Variants in VSTM2A observed in about 807,000 individuals in gnomAD.
VSTM2A encodes V-set and transmembrane domain-containing protein 2A.
A neutral mutation model predicts 27.3 loss-of-function variants in VSTM2A; 13 were observed. The ratio of observed to expected loss-of-function variants is 0.48; its 90% CI spans 0.31 to 0.76. The LOEUF (loss-of-function observed/expected upper bound fraction) is 0.76. Among genes scored for constraint, VSTM2A ranks in the 30% least tolerant of loss-of-function variants. VSTM2A has a pLI of 0.05. For missense variants in VSTM2A, 280 were observed against 310.0 expected (o/e 0.90, Z 0.73); for synonymous variants, 142 against 125.7 (o/e 1.13, Z -0.87).
intron 4 of VSTM2A, chr7:54,554,087 G>T: frequency 1.3e-6 from 2 of 1,551,038 alleles, no homozygotes; most frequent in South Asian, 2.4e-5. Context: ...AATTGCCCAG[G>T]TCGCTCGCAC....
intron 4 of VSTM2A, 134 bp from the exon 5 acceptor site, chr7:54,568,997 C>T: frequency 6.3e-7 from 1 of 1,586,404 alleles, no homozygotes; most frequent in Non-Finnish European, 8.6e-7. Flanking sequence ...TATCTTATAA[C>T]TTCTTCCGCA....
chr7:54,560,093 A>G (rs899381078), intron 4 of VSTM2A: 1 of 152,300 alleles, frequency 6.6e-6, no homozygotes, highest in African/African-American at 2.4e-5. Context: ...AAAAAATGGT[A>G]AACAGTTGTC....
intron 4 of VSTM2A, among the ~76,000 whole-genome samples, chr7:54,565,891 G>A (rs1299335421): frequency 1.3e-5 from 2 of 152,130 alleles, no homozygotes; most frequent in Admixed American, 1.3e-4. Context: ...ACTCTCTTGA[G>A]AAATGCTTGC....
chr7:54,557,474 C>T lies in VSTM2A; in HGVS notation c.634+7304C>T, dbSNP rs574457015. 1.2e-4 allele frequency among the ~76,000 whole-genome samples: 19 copies of T among 152,152 alleles called. No individual in the cohort carries two copies. The East Asian group carries it at 3.5e-3, about 28-fold the overall frequency. On this transcript the variant is annotated intron_variant, in intron 4 of 4. Coordinates refer to ENST00000402613, the MANE Select transcript of VSTM2A (RefSeq NM_001301009.2). The stretch of plus-strand genomic sequence containing the variant: ...TCAGCCTCCTGAGTAGCTTGGATTA[C>T]AGGTGCGCACCACCACGCCCGGCTA...
intron 4 of VSTM2A, chr7:54,559,215 A>C (rs1472378435): frequency 6.6e-6 from 1 of 152,160 alleles, no homozygotes; most frequent in Non-Finnish European, 1.5e-5. Flanking sequence ...AATAGTAGCA[A>C]CAAGTAAAAG....
At chr7:54,543,362 C>A (rs1407708389) in intron 1 of VSTM2A, among the ~76,000 whole-genome samples, 2 of 152,108 alleles carry the variant, frequency 1.3e-5, no homozygotes, top group Non-Finnish European at 2.9e-5. Context: ...TCGTAGGCTG[C>A]AGTGGTCGTT....
intron 4 of VSTM2A, chr7:54,558,617 C>A (rs1016306558): frequency 2.8e-4 from 42 of 151,266 alleles, no homozygotes; most frequent in African/African-American, 9.2e-4. Context: ...TTTAAGAGGA[C>A]AATAAAGAAA....
chr7:54,568,976 A>G (rs1788808662), intron 4 of VSTM2A, 155 bp from the exon 5 acceptor site: 3 of 1,569,142 alleles, frequency 1.9e-6, no homozygotes, highest in Admixed American at 1.9e-5. Flanking sequence ...GAAATCTTCA[A>G]GATGAGCGAA....
Position 54,542,467 on chromosome 7 carries a change from G to GCAGGCAGC in VSTM2A, c.-254_-247dup, listed in dbSNP as rs1448090369. The GCAGGCAGC allele has an allele frequency of 4.5e-5, 22 of 492,152 alleles. No individual in the cohort carries two copies. The highest frequency in any genetic ancestry group is 6.8e-5 in the Non-Finnish European group (19 of 281,390). 30.5% of individuals were successfully genotyped at this position (492,152 alleles called of 1,614,324 possible). A position where few individuals can be genotyped will look rare whatever the true frequency, so the allele number is the denominator to read the frequency against. On this transcript the variant is annotated 5_prime_UTR_variant, in exon 1 of 5. Transcript: ENST00000402613. ...TGGACGAGCTGCCAGGTAGCTGAAA[G>GCAGGCAGC]CAGGCAGCCAGGCAGCCGAGACACT...
chr7:54,569,208 A>G lies in VSTM2A; in HGVS notation c.712A>G (p.Thr238Ala). 6.4e-7 allele frequency: 1 copy of G among 1,551,638 alleles called. No individual in the cohort carries two copies. The highest frequency in any genetic ancestry group is 1.2e-5 in the South Asian group (1 of 84,066). Residue 238 changes from threonine (T) to alanine (A), a missense_variant, in exon 5 of 5, where the codon ACT becomes GCT. Thr to Ala is a moderately conservative substitution (Grantham distance 58). Transcript: ENST00000402613. ...AAACTCCAAGCACCACCCTGCACCCACTGTACTCTAATTCACTACACAAGG... is the reference window on the plus strand; with the variant it reads ...AAACTCCAAGCACCACCCTGCACCCGCTGTACTCTAATTCACTACACAAGG... ...TLNSKHHPAP[T>A]VL
chr7:54,568,276 C>T (rs1725223746), intron 4 of VSTM2A, among the ~76,000 whole-genome samples: 1 of 152,146 alleles, frequency 6.6e-6, no homozygotes, highest in Admixed American at 6.5e-5. Flanking sequence ...ATTGCATTTC[C>T]CCACACTTAC....
At chr7:54,549,352 A>C (rs2115807354) in intron 3 of VSTM2A, among the ~76,000 whole-genome samples, 1 of 152,354 alleles carries the variant, frequency 6.6e-6, no homozygotes, top group African/African-American at 2.4e-5. Flanking sequence ...TAGTCATCCC[A>C]GTGTGGGGAT....
intron 4 of VSTM2A, among the ~76,000 whole-genome samples, chr7:54,556,076 C>T (rs550898951): frequency 6.6e-6 from 1 of 152,326 alleles, no homozygotes; most frequent in South Asian, 2.1e-4. Flanking sequence ...AGATATATAT[C>T]TGTATGTGTA....
chr7:54,549,307 A>T (rs1788104920), intron 3 of VSTM2A, among the ~76,000 whole-genome samples: 1 of 152,170 alleles, frequency 6.6e-6, no homozygotes, highest in African/African-American at 2.4e-5. Flanking sequence ...AAGAAGAAAA[A>T]TATTAATATC....
chr7:54,557,062 A>C (rs1278087646), intron 4 of VSTM2A: 2 of 152,238 alleles, frequency 1.3e-5, no homozygotes, highest in South Asian at 4.1e-4. Flanking sequence ...GGTCACAATA[A>C]CACACACCCT....
At chr7:54,549,616 T>G (rs1788115270) in intron 3 of VSTM2A, among the ~76,000 whole-genome samples, 1 of 152,176 alleles carries the variant, frequency 6.6e-6, no homozygotes, top group Non-Finnish European at 1.5e-5. Flanking sequence ...CTGGCTGCAT[T>G]GAACTAATTA....
chr7:54,565,247 C>T (rs989546642), intron 4 of VSTM2A, among the ~76,000 whole-genome samples: 33 of 152,330 alleles, frequency 2.2e-4, no homozygotes, highest in Middle Eastern at 3.4e-3. Flanking sequence ...AGTTATTTCA[C>T]TTTGCTGGGT....
chr7:54,564,838 A>AAGTCT (rs1350663719), intron 4 of VSTM2A, among the ~76,000 whole-genome samples: 1 of 139,004 alleles, frequency 7.2e-6, no homozygotes, highest in Non-Finnish European at 1.5e-5. Flanking sequence ...TAAGCTGTAA[A>AAGTCT]AGTCTATGCT....
intron 4 of VSTM2A, among the ~76,000 whole-genome samples, chr7:54,560,669 T>A (rs995591028): frequency 6.6e-6 from 1 of 152,156 alleles, no homozygotes; most frequent in Non-Finnish European, 1.5e-5. Flanking sequence ...AAAACATACC[T>A]AATATAGGTG....
Sources: gnomAD v4.1 joint callset for allele counts (sites outside exome capture counted in the v4.1 genomes callset) on GRCh38, gnomAD v4.1.1 for gene constraint, MANE v1.5 for transcripts, NCBI Gene and HGNC (gene_info 2026-07-23, HGNC 2026-07-21) for gene names.